The following IGF2BP2 variants were observed in gnomAD, a reference collection of about 807,000 sequenced individuals.
IGF2BP2 encodes the protein insulin like growth factor 2 mRNA binding protein 2, also known as insulin-like growth factor 2 mRNA-binding protein 2.
Under a neutral mutation model 75.8 loss-of-function variants are expected in IGF2BP2, and 17 were observed. The observed-to-expected ratio is 0.22, with a 90% CI of 0.15 to 0.34. The LOEUF (loss-of-function observed/expected upper bound fraction) is 0.34. IGF2BP2 is among the 10% of genes least tolerant of loss of function. The probability of loss-of-function intolerance (pLI) is 1.00; values close to 1 mark genes in which losing one functional copy is unlikely to be tolerated. For synonymous variants in IGF2BP2, 288 were observed against 295.6 expected (o/e 0.97, Z 0.26); for missense variants, 516 against 772.4 (o/e 0.67, Z 3.93).
intron 2 of IGF2BP2, among the ~76,000 whole-genome samples, chr3:185,741,123 T>C (rs949025506): frequency 6.6e-6 from 1 of 152,156 alleles, no homozygotes; most frequent in African/African-American, 2.4e-5. Flanking sequence ...TCCACCAGCC[T>C]CGGCCTCCCA....
chr3:185,677,852 TG>T (rs1719790225), intron 7 of IGF2BP2, among the ~76,000 whole-genome samples: 1 of 152,146 alleles, frequency 6.6e-6, no homozygotes, highest in South Asian at 2.1e-4. Flanking sequence ...ACAGCAGATT[TG>T]ACCAGACAGA....
Position 185,729,981 on chromosome 3 carries a change from GT to G in IGF2BP2, c.240-31635del, listed in dbSNP as rs1560372913. On this transcript the variant is annotated intron_variant, in intron 2 of 15. Coordinates refer to ENST00000382199, the MANE Select transcript of IGF2BP2 (RefSeq NM_006548.6). The stretch of plus-strand genomic sequence containing the variant: ...ATTTTTAGACTTTAGAAAAAATATT[GT>G]TTTGGTTTTCATGTCTCCAGGGGTA... Among the ~76,000 whole-genome samples, 3 of 152,254 alleles carry G rather than the reference GT, an allele frequency of 2.0e-5. No individual in the cohort carries two copies. In the South Asian group the frequency reaches 6.2e-4, roughly 32 times the overall value.
At chr3:185,688,019 G>C (rs1033248653) in intron 6 of IGF2BP2, among the ~76,000 whole-genome samples, 7 of 151,914 alleles carry the variant, frequency 4.6e-5, no homozygotes, top group African/African-American at 1.5e-4. Flanking sequence ...AAAAGCCAGG[G>C]CTGATTTTAA....
chr3:185,732,131 C>G (rs1437436711), intron 2 of IGF2BP2, among the ~76,000 whole-genome samples: 2 of 152,096 alleles, frequency 1.3e-5, no homozygotes, highest in East Asian at 3.9e-4. Flanking sequence ...CTCCTCTCTG[C>G]CCCCGGGAAC....
At chr3:185,784,579 A>G (rs1735625160) in intron 2 of IGF2BP2, among the ~76,000 whole-genome samples, 1 of 152,242 alleles carries the variant, frequency 6.6e-6, no homozygotes, top group African/African-American at 2.4e-5. Context: ...TGCTCATGCT[A>G]TGAACACTTT....
intron 2 of IGF2BP2, among the ~76,000 whole-genome samples, chr3:185,812,541 G>T (rs1031696353): frequency 6.6e-6 from 1 of 152,202 alleles, no homozygotes; most frequent in South Asian, 2.1e-4. Context: ...CAAGGGCAGG[G>T]TCTAAACTTT....
chr3:185,822,327 G>C (rs1350762123), intron 2 of IGF2BP2, among the ~76,000 whole-genome samples: 1 of 152,100 alleles, frequency 6.6e-6, no homozygotes, highest in Non-Finnish European at 1.5e-5. Context: ...TATAAACTAA[G>C]TTTCGACACA....
At chr3:185,675,745 C>G in intron 8 of IGF2BP2, 46 bp downstream of exon 8, 3 of 1,602,054 alleles carry the variant, frequency 1.9e-6, no homozygotes, top group Non-Finnish European at 2.6e-6. Flanking sequence ...TCGAAATGCT[C>G]AGGTGTTCCA....
At chr3:185,674,665 A>C (rs767995372) in intron 9 of IGF2BP2, among the ~76,000 whole-genome samples, 1 of 152,230 alleles carries the variant, frequency 6.6e-6, no homozygotes. Context: ...CATTTTTAAA[A>C]TTTAAAAAGT....
At chr3:185,784,004 G>A (rs1735544634) in intron 2 of IGF2BP2, among the ~76,000 whole-genome samples, 1 of 152,160 alleles carries the variant, frequency 6.6e-6, no homozygotes, top group Non-Finnish European at 1.5e-5. Flanking sequence ...GGAGGCCAAG[G>A]CAGGCAGATC....
chr3:185,670,561 AATTT>A (rs899276023), intron 10 of IGF2BP2, among the ~76,000 whole-genome samples: 2 of 151,914 alleles, frequency 1.3e-5, no homozygotes, highest in African/African-American at 4.8e-5. Context: ...TGAGATTACC[AATTT>A]ATTTATTTAT....
intron 2 of IGF2BP2, among the ~76,000 whole-genome samples, chr3:185,822,639 A>G (rs569437979): frequency 3.9e-5 from 6 of 152,194 alleles, no homozygotes; most frequent in African/African-American, 1.4e-4. Flanking sequence ...CTGCCATCCA[A>G]TCCAAACAAC....
chr3:185,819,965 T>C (rs773516759), intron 2 of IGF2BP2, among the ~76,000 whole-genome samples: 5 of 152,148 alleles, frequency 3.3e-5, no homozygotes, highest in Non-Finnish European at 5.9e-5. Context: ...TTCATTTGCA[T>C]TGGAGTGAAC....
At chr3:185,740,253 T>C (rs1452718902) in intron 2 of IGF2BP2, among the ~76,000 whole-genome samples, 1 of 152,234 alleles carries the variant, frequency 6.6e-6, no homozygotes, top group East Asian at 1.9e-4. Context: ...TGTTTGCATA[T>C]TTAGAAAGAT....
intron 2 of IGF2BP2, among the ~76,000 whole-genome samples, chr3:185,753,677 T>A (rs545908405): frequency 6.6e-6 from 1 of 152,280 alleles, no homozygotes; most frequent in Non-Finnish European, 1.5e-5. Context: ...CCATTTACAT[T>A]TAATAAAACA....
chr3:185,784,103 C>T (rs1263013343), intron 2 of IGF2BP2, among the ~76,000 whole-genome samples: 4 of 151,988 alleles, frequency 2.6e-5, no homozygotes, highest in African/African-American at 7.3e-5. Context: ...GGTGTGGTGG[C>T]GCATGCCTGT....
chr3:185,824,775 G>C lies in IGF2BP2; in HGVS notation c.178+8C>G. ...AGGCGGGGGGAGGGGGCCGCGCTGAGTGCTCACCCGAGAGGGTCTCGATGG... is the reference window on the plus strand; with the variant it reads ...AGGCGGGGGGAGGGGGCCGCGCTGACTGCTCACCCGAGAGGGTCTCGATGG... On this transcript the variant is annotated splice_region_variant and intron_variant, in intron 1 of 15. Coordinates refer to ENST00000382199, the MANE Select transcript of IGF2BP2 (RefSeq NM_006548.6). 5.1e-6 allele frequency: 7 copies of C among 1,361,848 alleles called. No homozygotes were observed. Among genetic ancestry groups the C allele is most frequent in the Non-Finnish European group, 6.8e-6 (7 of 1,035,892 alleles). The allele number at this position is 1,361,848 out of a possible 1,614,324, so 84.4% of individuals were successfully genotyped here. A position where few individuals can be genotyped will look rare whatever the true frequency, so the allele number is the denominator to read the frequency against.
At chr3:185,767,298 C>T (rs569872887) in intron 2 of IGF2BP2, among the ~76,000 whole-genome samples, 1 of 152,310 alleles carries the variant, frequency 6.6e-6, no homozygotes, top group East Asian at 1.9e-4. Flanking sequence ...CTGTTCTCCA[C>T]AACGATGACC....
At chr3:185,705,590 A>C (rs1297000786) in intron 2 of IGF2BP2, among the ~76,000 whole-genome samples, 1 of 152,116 alleles carries the variant, frequency 6.6e-6, no homozygotes, top group African/African-American at 2.4e-5. Context: ...ACTTAATATG[A>C]TGTATCTTGG....
Sources: gnomAD v4.1 joint callset for allele counts (sites outside exome capture counted in the v4.1 genomes callset) on GRCh38, gnomAD v4.1.1 for gene constraint, MANE v1.5 for transcripts, NCBI Gene and HGNC (gene_info 2026-07-23, HGNC 2026-07-21) for gene names.